Variants in ZNF81 observed in about 807,000 individuals in gnomAD.
ZNF81 encodes the protein zinc finger protein 81 (HFZ20).
Under a neutral mutation model 32.3 loss-of-function variants are expected in ZNF81, and 5 were observed. The ratio of observed to expected loss-of-function variants is 0.15; its 90% confidence interval spans 0.08 to 0.33. The LOEUF (loss-of-function observed/expected upper bound fraction) is 0.33. Ranked by LOEUF, ZNF81 falls within the 10% of genes least tolerant of loss-of-function variation. The pLI is 1.00. For missense variants in ZNF81, 379 were observed against 479.8 expected (o/e 0.79, Z 1.96); for synonymous variants, 163 against 166.8 (o/e 0.98, Z 0.17).
intron 2 of ZNF81, among the ~76,000 whole-genome samples, chrX:47,868,319 A>G (rs2058567463): frequency 9.1e-6 from 1 of 109,405 alleles, no homozygotes; most frequent in African/African-American, 3.4e-5. Flanking sequence ...TTGTTTGTCT[A>G]TTAAGTAGAT....
intron 4 of ZNF81, among the ~76,000 whole-genome samples, chrX:47,904,308 A>G (rs1218816047): frequency 2.8e-5 from 3 of 107,335 alleles, no homozygotes; most frequent in Non-Finnish European, 5.8e-5. Context: ...TTTGCAACCT[A>G]CTCATCTGAC....
intron 3 of ZNF81, among the ~76,000 whole-genome samples, chrX:47,892,345 A>G: frequency 8.9e-6 from 1 of 112,129 alleles, no homozygotes; most frequent in East Asian, 2.8e-4. Flanking sequence ...TCCAGCCTAC[A>G]GACAAGAGCA....
chrX:47,850,910 CACACACACACACACACACACACACAA>C (rs2058492966), intron 2 of ZNF81, among the ~76,000 whole-genome samples: 2 of 96,639 alleles, frequency 2.1e-5, no homozygotes, highest in African/African-American at 7.2e-5. Context: ...CACACACACA[CACACACACACACACACACACACACAA>C]CCCAACACCC....
In ZNF81 at chrX:47,924,806, T is replaced by TTA. The variant is rs201196940; in HGVS notation, c.*8187_*8188dup. 1.1e-4 allele frequency among the ~76,000 whole-genome samples: 12 copies of TTA among 110,146 alleles called. No individual in the cohort carries two copies. In the South Asian group the frequency reaches 1.1e-3, roughly 10 times the overall value. On this transcript the variant is annotated 3_prime_UTR_variant, in exon 5 of 5. Transcript: ENST00000338637. The stretch of plus-strand genomic sequence containing the variant: ...TGGTTGCATTCCAGGTTAATAAAGA[T>TTA]TATATATATATATACCCAAAGAAGA...
intron 3 of ZNF81, among the ~76,000 whole-genome samples, chrX:47,893,749 G>T (rs1032820187): frequency 8.4e-5 from 9 of 107,005 alleles, no homozygotes; most frequent in Non-Finnish European, 1.5e-4. Context: ...GAGCTGAGAT[G>T]GTACCACTGC....
At chrX:47,855,412 A>G (rs1299989595) in intron 2 of ZNF81, among the ~76,000 whole-genome samples, 4 of 110,965 alleles carry the variant, frequency 3.6e-5, no homozygotes, top group Non-Finnish European at 7.6e-5. Context: ...GTAAAGTGCA[A>G]TGAAACCATG....
At chrX:47,884,914 G>A (rs1413183618) in intron 2 of ZNF81, among the ~76,000 whole-genome samples, 2 of 111,783 alleles carry the variant, frequency 1.8e-5, no homozygotes, top group African/African-American at 6.5e-5. Flanking sequence ...CAGGAAGCAG[G>A]TTGAGCAAAC....
At chrX:47,861,442 A>G (rs5906501) in intron 2 of ZNF81, among the ~76,000 whole-genome samples, 48,111 of 110,457 alleles carry the variant, frequency 0.44, 7,840 homozygotes, top group East Asian at 0.63. Context: ...TCACATCTCC[A>G]CCTTGTTTCT....
rs1271616827 is a variant in ZNF81, at chrX:47,920,669, G to A, written c.*4037G>A. On this transcript the variant is annotated 3_prime_UTR_variant, in exon 5 of 5. Coordinates refer to ENST00000338637, the MANE Select transcript of ZNF81 (RefSeq NM_007137.5). ...CATTGGAGCTTTGTGCCATTTCTAT[G>A]TTAACAGCAGCCCCCTTGCAGGCCT... is the stretch of plus-strand genomic sequence containing the variant. 1 of 110,056 alleles carries A rather than the reference G, an allele frequency of 9.1e-6. No individual in the cohort carries two copies. The highest frequency in any genetic ancestry group is 2.9e-4 in the East Asian group (1 of 3,470). 9.1% of individuals were successfully genotyped at this position (110,056 alleles called of 1,213,427 possible). A position where few individuals can be genotyped will look rare whatever the true frequency, so the allele number is the denominator to read the frequency against.
Position 47,921,021 on chromosome X carries a change from G to T in ZNF81, c.*4389G>T, listed in dbSNP as rs1316764998. On this transcript the variant is annotated 3_prime_UTR_variant, in exon 5 of 5. Coordinates refer to ENST00000338637, the MANE Select transcript of ZNF81 (RefSeq NM_007137.5). ...GTTCGAGAAAACTTATGTTTTTGCA[G>T]ATTACCCAGCTTTGTTCTTGTTATA... 2 of 110,987 alleles carry T rather than the reference G, an allele frequency of 1.8e-5. No homozygotes were observed. The highest frequency in any genetic ancestry group is 3.8e-5 in the Non-Finnish European group (2 of 53,038). The allele number at this position is 110,987 out of a possible 1,213,427, so 9.1% of individuals were successfully genotyped here. A position where few individuals can be genotyped will look rare whatever the true frequency, so the allele number is the denominator to read the frequency against.
intron 2 of ZNF81, among the ~76,000 whole-genome samples, chrX:47,869,982 A>G (rs781821520): frequency 8.9e-6 from 1 of 111,791 alleles, no homozygotes; most frequent in Admixed American, 9.5e-5. Flanking sequence ...AGACTGAGCC[A>G]CCACACCTGG....
chrX:47,875,671 C>T (rs1404790965), intron 2 of ZNF81, among the ~76,000 whole-genome samples: 1 of 112,367 alleles, frequency 8.9e-6, no homozygotes, highest in Non-Finnish European at 1.9e-5. Flanking sequence ...GCCATCCCAT[C>T]CTCATCAGCA....
intron 2 of ZNF81, among the ~76,000 whole-genome samples, chrX:47,861,863 T>C (rs1556882600): frequency 8.9e-6 from 1 of 112,365 alleles, no homozygotes; most frequent in Non-Finnish European, 1.9e-5. Flanking sequence ...GGCAATTTCA[T>C]TATCCATAAC....
Position 47,910,415 on chromosome X carries a change from A to G in ZNF81, c.278-4509A>G, listed in dbSNP as rs782489178. Among the ~76,000 whole-genome samples, 12 of 111,881 alleles carry G rather than the reference A, an allele frequency of 1.1e-4. No individual in the cohort carries two copies. In the East Asian group the frequency reaches 3.4e-3, roughly 31 times the overall value. ...AAAAAAACAAACAACCCCATCAAAA[A>G]GTGGGCAAAGGATATGAACAGACAC... On this transcript the variant is annotated intron_variant, in intron 4 of 4. Transcript: ENST00000338637.
chrX:47,907,066 T>A (rs1192287723), intron 4 of ZNF81, among the ~76,000 whole-genome samples: 1 of 104,632 alleles, frequency 9.6e-6, no homozygotes, highest in Non-Finnish European at 2.0e-5. Flanking sequence ...CATAGCAGTG[T>A]ATGCTCCTTG....
At chrX:47,856,567 A>T (rs1020317053) in intron 2 of ZNF81, among the ~76,000 whole-genome samples, 3 of 112,430 alleles carry the variant, frequency 2.7e-5, no homozygotes, top group Non-Finnish European at 5.6e-5. Context: ...CATTAAAAGA[A>T]AAACATCGTC....
chrX:47,872,195 A>G (rs1417068851), intron 2 of ZNF81, among the ~76,000 whole-genome samples: 4 of 111,985 alleles, frequency 3.6e-5, no homozygotes, highest in African/African-American at 1.3e-4. Flanking sequence ...TTCATCTGCA[A>G]AATTGCAGCC....
intron 2 of ZNF81, among the ~76,000 whole-genome samples, chrX:47,867,480 C>T (rs782147208): frequency 1.2e-4 from 13 of 111,821 alleles, no homozygotes; most frequent in Admixed American, 6.6e-4. Flanking sequence ...AATAACACTA[C>T]GGTTTTCTAA....
rs2058759620 is a variant in ZNF81 at position 47,916,986 on chromosome X, G to A, written c.*354G>A. 3.6e-6 allele frequency: 1 copy of A among 276,749 alleles called. No homozygotes were observed. Among genetic ancestry groups the A allele is most frequent in the Non-Finnish European group, 6.3e-6 (1 of 157,933 alleles). 22.8% of individuals were successfully genotyped at this position (276,749 alleles called of 1,213,427 possible). ...GCAAAATTATGTAAATGATGGTCAG[G>A]TTTACTGTGTTATATTAAGCAATTT... On this transcript the variant is annotated 3_prime_UTR_variant, in exon 5 of 5. Transcript: ENST00000338637.
Sources: gnomAD v4.1 joint callset for allele counts (sites outside exome capture counted in the v4.1 genomes callset) on GRCh38, gnomAD v4.1.1 for gene constraint, MANE v1.5 for transcripts, NCBI Gene and HGNC (gene_info 2026-07-23, HGNC 2026-07-21) for gene names.